Variants in LRRIQ3 observed in about 807,000 individuals in gnomAD.
LRRIQ3 encodes the protein leucine-rich repeat and IQ domain-containing protein 3.
Under a neutral mutation model 59.3 loss-of-function variants are expected in LRRIQ3, and 75 were observed. That is an observed-to-expected ratio of 1.26 (90% CI 1.05 to 1.53). The LOEUF (loss-of-function observed/expected upper bound fraction) is 1.53, where lower values mean the gene tolerates loss of function less well. Among genes scored for constraint, LRRIQ3 ranks in the 40% most tolerant of loss-of-function variants. LRRIQ3 has a pLI of 0.00. For missense variants in LRRIQ3, 831 were observed against 710.0 expected (o/e 1.17, Z -1.94); for synonymous variants, 250 against 231.3 (o/e 1.08, Z -0.73).
At chr1:74,110,784 A>C (rs75773782) in intron 4 of LRRIQ3, among the ~76,000 whole-genome samples, 2,430 of 152,138 alleles carry the variant, frequency 0.016, 76 homozygotes, top group African/African-American at 0.056. Context: ...GTTAAGGTAA[A>C]ATATACTAAG....
chr1:74,109,657 T>C (rs1646665802), intron 4 of LRRIQ3, 104 bp from the exon 5 acceptor site: 9 of 870,378 alleles, frequency 1.0e-5, no homozygotes, highest in Middle Eastern at 3.7e-4. Flanking sequence ...TAGTGTTAAA[T>C]TGAATGTAAT....
At chr1:74,151,858 C>T (rs534661282) in intron 4 of LRRIQ3, among the ~76,000 whole-genome samples, 10 of 152,210 alleles carry the variant, frequency 6.6e-5, no homozygotes, top group African/African-American at 2.4e-4. Context: ...AGAAAGAGAA[C>T]CACGATACTG....
At chr1:74,106,805 A>G (rs551920239) in intron 5 of LRRIQ3, among the ~76,000 whole-genome samples, 1 of 152,174 alleles carries the variant, frequency 6.6e-6, no homozygotes, top group Admixed American at 6.6e-5. Context: ...TCATAATAGT[A>G]TACAAGTTTT....
intron 5 of LRRIQ3, among the ~76,000 whole-genome samples, chr1:74,102,387 A>G (rs1646548676): frequency 6.6e-6 from 1 of 152,010 alleles, no homozygotes; most frequent in African/African-American, 2.4e-5. Flanking sequence ...AATGAAACTA[A>G]TCATCAGAAA....
chr1:74,191,003 T>TC lies in LRRIQ3; in HGVS notation c.-1+6992dup, dbSNP rs1283249423. On this transcript the variant is annotated intron_variant, in intron 1 of 7. Transcript: ENST00000354431. ...CACCTTCTGTCATGATGCTGAGGCC[T>TC]CCCCAGCCACATGGAACTGTGAGTC... Among the ~76,000 whole-genome samples, 5 of 152,258 alleles carry TC rather than the reference T, an allele frequency of 3.3e-5. No individual in the cohort carries two copies. In the East Asian group the frequency reaches 9.6e-4, roughly 29 times the overall value.
At chr1:74,130,973 A>C (rs1647007739) in intron 4 of LRRIQ3, among the ~76,000 whole-genome samples, 1 of 152,116 alleles carries the variant, frequency 6.6e-6, no homozygotes, top group Non-Finnish European at 1.5e-5. Context: ...AACAAAATTG[A>C]TAGACCACCA....
At chr1:74,151,427 A>G (rs1185294617) in intron 4 of LRRIQ3, among the ~76,000 whole-genome samples, 1 of 152,164 alleles carries the variant, frequency 6.6e-6, no homozygotes, top group African/African-American at 2.4e-5. Flanking sequence ...CAACAGTACT[A>G]TGTGACAAGG....
At chr1:74,138,077 A>G (rs374492244) in intron 4 of LRRIQ3, among the ~76,000 whole-genome samples, 37 of 151,908 alleles carry the variant, frequency 2.4e-4, no homozygotes, top group African/African-American at 8.0e-4. Context: ...TGTATCCCAG[A>G]ACTTAAAGTA....
Position 74,197,981 on chromosome 1 carries a change from A to T in LRRIQ3, c.-1+15T>A. 2.0e-6 allele frequency: 1 copy of T among 490,856 alleles called. No homozygotes were observed. The highest frequency in any genetic ancestry group is 3.6e-6 in the Non-Finnish European group (1 of 280,816). The allele number at this position is 490,856 out of a possible 1,614,324, so 30.4% of individuals were successfully genotyped here. ...TCGGTTCTAACAATTTTGTCACCCA[A>T]ACTGAACCACTCACCGGGTCAACTG... On this transcript the variant is annotated intron_variant, in intron 1 of 7. Coordinates refer to ENST00000354431, the MANE Select transcript of LRRIQ3 (RefSeq NM_001105659.2).
intron 5 of LRRIQ3, among the ~76,000 whole-genome samples, chr1:74,099,155 C>G (rs548053215): frequency 6.6e-6 from 1 of 152,022 alleles, no homozygotes; most frequent in Admixed American, 6.5e-5. Context: ...TGATAGACCA[C>G]TAGCAAGACT....
intron 1 of LRRIQ3, among the ~76,000 whole-genome samples, chr1:74,194,921 T>G (rs1183572832): frequency 6.6e-6 from 1 of 152,172 alleles, no homozygotes; most frequent in Admixed American, 6.6e-5. Context: ...GCCCTCTCCC[T>G]ATCCCTTTCC....
At chr1:74,177,526 C>A (rs1649717693) in intron 3 of LRRIQ3, among the ~76,000 whole-genome samples, 2 of 152,038 alleles carry the variant, frequency 1.3e-5, no homozygotes, top group South Asian at 4.1e-4. Context: ...AAGAATTTAC[C>A]ACTGTGTCAT....
chr1:74,108,940 G>C (rs1371906969), intron 5 of LRRIQ3: 5 of 370,568 alleles, frequency 1.3e-5, no homozygotes, highest in Non-Finnish European at 2.6e-5. Flanking sequence ...GTCTAGCACA[G>C]TGCCTGGGAT....
At chr1:74,174,547 TA>T (rs1210622111) in intron 3 of LRRIQ3, among the ~76,000 whole-genome samples, 2 of 45,076 alleles carry the variant, frequency 4.4e-5, no homozygotes, top group African/African-American at 9.4e-5. Flanking sequence ...CATGCCTGGC[TA>T]TTTTTTTTTT....
intron 3 of LRRIQ3, among the ~76,000 whole-genome samples, chr1:74,172,926 T>C (rs1649415286): frequency 6.6e-6 from 1 of 152,170 alleles, no homozygotes; most frequent in Non-Finnish European, 1.5e-5. Flanking sequence ...TTTTTCCATT[T>C]CTTTCCCTTC....
intron 4 of LRRIQ3, among the ~76,000 whole-genome samples, chr1:74,125,671 T>C (rs1410014201): frequency 6.6e-6 from 1 of 152,032 alleles, no homozygotes; most frequent in Non-Finnish European, 1.5e-5. Context: ...TTTATGTACG[T>C]TGAACCATCC....
chr1:74,093,412 G>A (rs1646414982), intron 5 of LRRIQ3, among the ~76,000 whole-genome samples: 2 of 152,034 alleles, frequency 1.3e-5, no homozygotes, highest in Non-Finnish European at 2.9e-5. Context: ...AAACAACTGT[G>A]TTTCCCTTTT....
At chr1:74,134,796 T>A (rs975331965) in intron 4 of LRRIQ3, among the ~76,000 whole-genome samples, 1 of 147,128 alleles carries the variant, frequency 6.8e-6, no homozygotes, top group Non-Finnish European at 1.5e-5. Context: ...CAGTAGAAAA[T>A]ACCTGTTTAA....
In LRRIQ3 at chr1:74,041,882, C is replaced by A. The variant is rs1183791521; in HGVS notation, c.1049G>T (p.Arg350Met). 1 of 1,608,636 alleles carries A rather than the reference C, an allele frequency of 6.2e-7. No homozygotes were observed. Among genetic ancestry groups the A allele is most frequent in the Non-Finnish European group, 8.5e-7 (1 of 1,177,030 alleles). ...TATGGGTAGTTTGAAAACTGATATC[C>A]TAAAACTGGTATCCAATTTTTCATC... Reference protein sequence around the residue: ...IVDEKLDTSFRISVFKLPIYT... With the variant: ...IVDEKLDTSFMISVFKLPIYT... The change falls in exon 7 of 8, where the codon AGG becomes ATG. Residue 350 changes from arginine (R) to methionine (M), a missense_variant. Transcript: ENST00000354431.
Sources: gnomAD v4.1 joint callset for allele counts (sites outside exome capture counted in the v4.1 genomes callset) on GRCh38, gnomAD v4.1.1 for gene constraint, MANE v1.5 for transcripts, NCBI Gene and HGNC (gene_info 2026-07-23, HGNC 2026-07-21) for gene names.